NAA11: variants seen among roughly 807,000 people sequenced by gnomAD.
NAA11 encodes the protein N-alpha-acetyltransferase 11, NatA catalytic subunit.
In NAA11, 15 loss-of-function variants were observed where a neutral mutation model predicts 16.1. The ratio of observed to expected loss-of-function variants is 0.93; its 90% CI spans 0.62 to 1.44. NAA11 has a LOEUF of 1.44. Ranked by LOEUF, NAA11 falls within the 40% of genes most tolerant of loss-of-function variation. The pLI, the probability that NAA11 is intolerant of heterozygous loss-of-function variation, is 0.00. For synonymous variants in NAA11, 122 were observed against 112.4 expected (o/e 1.09, Z -0.54); for missense variants, 298 against 291.3 (o/e 1.02, Z -0.17).
chr4:79,287,307 G>T (rs1323795522), intron 2 of NAA11, among the ~76,000 whole-genome samples: 1 of 152,080 alleles, frequency 6.6e-6, no homozygotes, highest in African/African-American at 2.4e-5. Flanking sequence ...CATTAGTATA[G>T]TTCCAGTAGC....
the NAA11 span, among the ~76,000 whole-genome samples, chr4:79,184,405 T>G: frequency 6.6e-6 from 1 of 152,168 alleles, no homozygotes; most frequent in African/African-American, 2.4e-5. Flanking sequence ...TAATCACATG[T>G]AAAATAGGAA....
the NAA11 span, among the ~76,000 whole-genome samples, chr4:79,220,062 C>T: frequency 1.3e-5 from 2 of 152,214 alleles, no homozygotes; most frequent in Non-Finnish European, 2.9e-5. Context: ...AAGATCTGGG[C>T]TAGCATGCTC....
the NAA11 span, among the ~76,000 whole-genome samples, chr4:79,217,704 A>G: frequency 6.6e-6 from 1 of 152,188 alleles, no homozygotes; most frequent in African/African-American, 2.4e-5. Context: ...TAACTGTGCC[A>G]TTAGCTGATA....
intron 2 of NAA11, among the ~76,000 whole-genome samples, chr4:79,256,631 A>C (rs1415695789): frequency 9.4e-6 from 1 of 105,844 alleles, no homozygotes; most frequent in African/African-American, 3.4e-5. Flanking sequence ...ATTAAAATGA[A>C]CCATATATAT....
intron 2 of NAA11, among the ~76,000 whole-genome samples, chr4:79,292,510 A>C (rs971645465): frequency 6.6e-6 from 1 of 152,190 alleles, no homozygotes; most frequent in African/African-American, 2.4e-5. Context: ...CAATTTGTAC[A>C]TCTGTGCCTG....
the NAA11 span, among the ~76,000 whole-genome samples, chr4:79,165,423 C>T: frequency 6.6e-6 from 1 of 152,130 alleles, no homozygotes; most frequent in African/African-American, 2.4e-5. Flanking sequence ...CCAGGGTATG[C>T]AAAGAATGAG....
downstream of NAA11, among the ~76,000 whole-genome samples, chr4:79,312,689 TAGGCTGCCC>T (rs558033204): frequency 9.4e-4 from 141 of 149,376 alleles, no homozygotes; most frequent in African/African-American, 3.4e-3. Flanking sequence ...GGGTCTTGCT[TAGGCTGCCC>T]AGGCTGATCT....
chr4:79,301,406 T>C (rs955448269), intron 1 of NAA11, among the ~76,000 whole-genome samples: 8 of 152,342 alleles, frequency 5.3e-5, no homozygotes, highest in Middle Eastern at 3.4e-3. Flanking sequence ...TGATCATCTA[T>C]ACTAATCAAG....
In NAA11 at chr4:79,297,246, C is replaced by T. The variant is rs1425526870; in HGVS notation, c.*13-3132G>A. Reference sequence around the variant, plus strand: ...GGAACTAGGGACAAGCGAGAGCCTCCGTGGAGCCCACTGCCCTGGGGGCTA... The same window carrying T: ...GGAACTAGGGACAAGCGAGAGCCTCTGTGGAGCCCACTGCCCTGGGGGCTA... On this transcript the variant is annotated intron_variant and NMD_transcript_variant, in intron 1 of 2. Coordinates refer to the NAA11 transcript ENST00000511542. Among the ~76,000 whole-genome samples the T allele has an allele frequency of 2.0e-5, 3 of 152,172 alleles. No individual in the cohort carries two copies. In the East Asian group the frequency reaches 5.8e-4, roughly 29 times the overall value.
chr4:79,242,197 T>C (rs564516736), intron 2 of NAA11, among the ~76,000 whole-genome samples: 6 of 152,312 alleles, frequency 3.9e-5, no homozygotes, highest in African/African-American at 1.4e-4. Context: ...GAGAGTCTTG[T>C]AAGCACTACA....
intron 2 of NAA11, among the ~76,000 whole-genome samples, chr4:79,231,104 T>G (rs1445639313): frequency 6.6e-6 from 1 of 152,028 alleles, no homozygotes; most frequent in Non-Finnish European, 1.5e-5. Context: ...GAAATGTGTT[T>G]CAACAGACAA....
the NAA11 span, among the ~76,000 whole-genome samples, chr4:79,179,994 T>G: frequency 2.3e-4 from 35 of 152,012 alleles, no homozygotes; most frequent in Non-Finnish European, 4.7e-4. Context: ...CCATCAGATC[T>G]CATGAGAACT....
intron 2 of NAA11, chr4:79,227,664 G>A (rs1721350417): frequency 6.6e-6 from 1 of 152,020 alleles, no homozygotes; most frequent in African/African-American, 2.4e-5. Flanking sequence ...CTGGTATAGA[G>A]ATGGACACTG....
At chr4:79,245,708 C>T (rs12504676) in intron 2 of NAA11, among the ~76,000 whole-genome samples, 107,059 of 151,048 alleles carry the variant, frequency 0.71, 40,226 homozygotes, top group East Asian at 0.89. Flanking sequence ...TCTGCCTGTT[C>T]GCCCCCTCTG....
chr4:79,166,958 C>T, the NAA11 span, among the ~76,000 whole-genome samples: 1 of 146,404 alleles, frequency 6.8e-6, no homozygotes, highest in African/African-American at 2.5e-5. Flanking sequence ...CTTTCTCCTA[C>T]CTCCCATTTG....
At chr4:79,184,327 C>G in the NAA11 span, among the ~76,000 whole-genome samples, 1 of 152,248 alleles carries the variant, frequency 6.6e-6, no homozygotes, top group East Asian at 1.9e-4. Context: ...CGCAAGGATG[C>G]TGCCTGGATT....
At chr4:79,258,035 C>T (rs973178996) in intron 2 of NAA11, among the ~76,000 whole-genome samples, 2 of 152,258 alleles carry the variant, frequency 1.3e-5, no homozygotes, top group Non-Finnish European at 2.9e-5. Flanking sequence ...ATTATGCCAG[C>T]TGCAGTGGAA....
the NAA11 span, among the ~76,000 whole-genome samples, chr4:79,175,947 C>T: frequency 7.2e-5 from 11 of 152,200 alleles, no homozygotes; most frequent in African/African-American, 2.6e-4. Context: ...TCCAGCTGCT[C>T]TTGATGCTAT....
At chr4:79,182,673 A>G in the NAA11 span, among the ~76,000 whole-genome samples, 1 of 152,168 alleles carries the variant, frequency 6.6e-6, no homozygotes, top group South Asian at 2.1e-4. Flanking sequence ...TGAGCGCTTC[A>G]CTCATCATTC....
Sources: gnomAD v4.1 joint callset for allele counts (sites outside exome capture counted in the v4.1 genomes callset) on GRCh38, gnomAD v4.1.1 for gene constraint, MANE v1.5 for transcripts, NCBI Gene and HGNC (gene_info 2026-07-23, HGNC 2026-07-21) for gene names.